ZNF292: variants seen among roughly 807,000 people sequenced by gnomAD.
ZNF292 encodes the protein 16 zinc-finger domain protein.
ZNF292 carries 26 observed loss-of-function variants against 217.9 expected under a neutral mutation model. The ratio of observed to expected loss-of-function variants is 0.12; its 90% CI spans 0.09 to 0.17. The LOEUF (loss-of-function observed/expected upper bound fraction) is 0.17. ZNF292 is among the 10% of genes least tolerant of loss of function. The pLI, the probability that ZNF292 is intolerant of heterozygous loss-of-function variation, is 1.00. For missense variants in ZNF292, 2,904 were observed against 3,175.2 expected (o/e 0.91, Z 2.05); for synonymous variants, 1,257 against 1,124.1 (o/e 1.12, Z -2.37).
chr6:87,247,006 T>C (rs1249864727), intron 7 of ZNF292, among the ~76,000 whole-genome samples: 3 of 151,632 alleles, frequency 2.0e-5, no homozygotes, highest in East Asian at 3.9e-4. Flanking sequence ...ATAAAGAAAA[T>C]TAGCTGTTCA....
intron 1 of ZNF292, among the ~76,000 whole-genome samples, chr6:87,185,377 G>A (rs1582393915): frequency 6.6e-6 from 1 of 152,130 alleles, no homozygotes; most frequent in African/African-American, 2.4e-5. Context: ...TGTGTGTTTT[G>A]GGATTATGAT....
At chr6:87,166,950 A>G (rs1443284481) in intron 1 of ZNF292, among the ~76,000 whole-genome samples, 1 of 152,152 alleles carries the variant, frequency 6.6e-6, no homozygotes, top group Non-Finnish European at 1.5e-5. Context: ...GATTTGCCCA[A>G]GGTCCCAGAG....
Position 87,254,771 on chromosome 6 carries a change from A to G in ZNF292, c.1142A>G (p.Asp381Gly), listed in dbSNP as rs771664395. The G allele has an allele frequency of 1.9e-6, 3 of 1,613,942 alleles. No individual in the cohort carries two copies. Among genetic ancestry groups the G allele is most frequent in the Admixed American group, 3.3e-5 (2 of 60,008 alleles). Residue 381 changes from aspartate to glycine, a missense_variant, in exon 8 of 8, where the codon GAT becomes GGT. By Grantham distance (94) the Asp-to-Gly change is moderately conservative (BLOSUM62 -1). Coordinates refer to ENST00000369577, the MANE Select transcript of ZNF292 (RefSeq NM_015021.3). ...ICKTISCLLP[D>G]DLEVKRACQL... ...AAGACCATTTCATGTTTGTTGCCTG[A>G]TGATCTGGAAGTTAAACGTGCTTGT...
intron 7 of ZNF292, among the ~76,000 whole-genome samples, chr6:87,246,926 G>A (rs535607131): frequency 1.1e-4 from 16 of 152,226 alleles, no homozygotes; most frequent in South Asian, 1.0e-3. Context: ...AGGCCAAGGC[G>A]GGTGGATCAC....
At chr6:87,239,846 G>GA (rs1187163046) in intron 5 of ZNF292, among the ~76,000 whole-genome samples, 1 of 151,870 alleles carries the variant, frequency 6.6e-6, no homozygotes, top group Non-Finnish European at 1.5e-5. Context: ...CGGCCGGGAA[G>GA]AGGCGCTCCT....
At chr6:87,216,409 GTATATCT>G (rs1772779420) in intron 3 of ZNF292, 32 bp downstream of exon 3, 2 of 1,461,120 alleles carry the variant, frequency 1.4e-6, no homozygotes, top group African/African-American at 1.4e-5. Context: ...TTTAATACAG[GTATATCT>G]TATGTCAGTT....
intron 1 of ZNF292, among the ~76,000 whole-genome samples, chr6:87,159,787 G>C (rs911017560): frequency 1.3e-5 from 2 of 152,128 alleles, no homozygotes; most frequent in Non-Finnish European, 2.9e-5. Flanking sequence ...CCCTGTCTCA[G>C]CCTTCTAAGT....
At chr6:87,239,377 C>A (rs1191469779) in intron 5 of ZNF292, among the ~76,000 whole-genome samples, 1 of 114,512 alleles carries the variant, frequency 8.7e-6, no homozygotes, top group Non-Finnish European at 1.9e-5. Context: ...CCTGACGGGG[C>A]GGCTGGCGGG....
chr6:87,215,984 A>G lies in ZNF292; in HGVS notation c.250A>G (p.Ser84Gly). 6.3e-7 allele frequency: 1 copy of G among 1,590,150 alleles called. No homozygotes were observed. Among genetic ancestry groups the G allele is most frequent in the Non-Finnish European group, 8.5e-7 (1 of 1,173,628 alleles). The change falls in exon 2 of 8, where the codon AGT becomes GGT. Residue 84 changes from serine to glycine, a missense_variant. Physicochemically the swap from Ser to Gly is moderately conservative, Grantham distance 56 (BLOSUM62 0). Coordinates refer to ENST00000369577, the MANE Select transcript of ZNF292 (RefSeq NM_015021.3). The part of the protein sequence containing the change: ...LLEVYTVAIQ[S>G]YVKARPYLTS... Reference sequence around the variant, plus strand: ...GGAGGTATACACAGTGGCTATCCAAAGTTATGTTAAAGCCCGACCTTATCT... The same window carrying G: ...GGAGGTATACACAGTGGCTATCCAAGGTTATGTTAAAGCCCGACCTTATCT...
intron 1 of ZNF292, among the ~76,000 whole-genome samples, chr6:87,161,930 G>T (rs1770767214): frequency 6.6e-6 from 1 of 152,102 alleles, no homozygotes; most frequent in Non-Finnish European, 1.5e-5. Flanking sequence ...TAACTACACT[G>T]TATCTTGCTT....
chr6:87,176,252 A>G (rs925261181), intron 1 of ZNF292, among the ~76,000 whole-genome samples: 1 of 152,242 alleles, frequency 6.6e-6, no homozygotes, highest in Non-Finnish European at 1.5e-5. Flanking sequence ...GATACAGGGA[A>G]ACCTGTGTAT....
chr6:87,193,493 T>TGG (rs772917189), intron 1 of ZNF292, among the ~76,000 whole-genome samples: 110 of 150,558 alleles, frequency 7.3e-4, no homozygotes, highest in Non-Finnish European at 5.2e-4. Context: ...TGAGCCAAGA[T>TGG]GGCACCACTG....
intron 4 of ZNF292, among the ~76,000 whole-genome samples, chr6:87,226,943 G>A (rs1773388205): frequency 6.6e-6 from 1 of 152,002 alleles, no homozygotes; most frequent in South Asian, 2.1e-4. Flanking sequence ...GCCTCCCAGA[G>A]TGCTGGGATT....
At position 87,155,725 on chromosome 6, in the gene ZNF292, A is replaced by G; in HGVS notation, c.134A>G (p.Glu45Gly). The G allele has an allele frequency of 6.3e-7, 1 of 1,599,744 alleles. No homozygotes were observed. The highest frequency in any genetic ancestry group is 8.5e-7 in the Non-Finnish European group (1 of 1,174,882). The change falls in exon 1 of 8, where the codon GAA (glutamate) becomes GGA (glycine). Residue 45 changes from glutamate (E) to glycine (G), a missense_variant. This residue lies in a region of ZNF292 where 313 missense variants were observed against 451.0 expected (regional missense o/e 0.69). Transcript: ENST00000369577. ...CGGGAGAGCCGGGTACCGGCCGTGGAAGCGGCCACCGACTACTGTCAGCAG... is the reference window on the plus strand; with the variant it reads ...CGGGAGAGCCGGGTACCGGCCGTGGGAGCGGCCACCGACTACTGTCAGCAG... ...QLRESRVPAV[E>G]AATDYCQQLC...
chr6:87,199,492 A>T (rs1338605665), intron 1 of ZNF292, among the ~76,000 whole-genome samples: 1 of 152,010 alleles, frequency 6.6e-6, no homozygotes, highest in African/African-American at 2.4e-5. Context: ...TTTTATTTTG[A>T]TGAATTGAAG....
intron 4 of ZNF292, among the ~76,000 whole-genome samples, chr6:87,226,520 A>G (rs1773350327): frequency 6.6e-6 from 1 of 151,034 alleles, no homozygotes; most frequent in Admixed American, 6.6e-5. Flanking sequence ...AATTAAATAT[A>G]AGTATTTAAT....
rs561883307 is a variant in ZNF292, at chr6:87,261,944, A to C, written c.*143A>C. The C allele has an allele frequency of 6.5e-6, 4 of 617,988 alleles. No individual in the cohort carries two copies. The highest frequency in any genetic ancestry group is 4.2e-5 in the South Asian group (1 of 23,554). 38.3% of individuals were successfully genotyped at this position (617,988 alleles called of 1,614,324 possible). ...GCCAAAAACAAAAAAGAAAAAAAAA[A>C]CATGACATTTGTCATGTAAAACTTT... is the stretch of plus-strand genomic sequence containing the variant. On this transcript the variant is annotated 3_prime_UTR_variant, in exon 8 of 8. Transcript: ENST00000369577.
chr6:87,226,647 C>CTATATATATATA (rs1228112578), intron 4 of ZNF292, among the ~76,000 whole-genome samples: 3 of 113,202 alleles, frequency 2.7e-5, no homozygotes, highest in Non-Finnish European at 5.1e-5. Flanking sequence ...ATCTATATAT[C>CTATATATATATA]TATATATATA....
chr6:87,223,967 C>G (rs893528417), intron 4 of ZNF292: 1 of 152,194 alleles, frequency 6.6e-6, no homozygotes, highest in African/African-American at 2.4e-5. Context: ...TTCATTAACA[C>G]AAAGATCATT....
Sources: allele counts gnomAD v4.1 joint callset (sites outside exome capture counted in the v4.1 genomes callset), GRCh38; gene constraint gnomAD v4.1.1; regional missense constraint gnomAD v4.1.1; transcripts MANE v1.5; gene names NCBI Gene and HGNC (gene_info 2026-07-23, HGNC 2026-07-21).